The following TTLL11 variants were observed in gnomAD, a reference collection of about 807,000 sequenced individuals.
The protein encoded by TTLL11 is tubulin tyrosine ligase like 11.
Under a neutral mutation model 51.7 loss-of-function variants are expected in TTLL11, and 42 were observed. The observed-to-expected ratio is 0.81, with a 90% CI of 0.64 to 1.05. The LOEUF (loss-of-function observed/expected upper bound fraction) is 1.05, where lower values mean the gene tolerates loss of function less well. Among genes scored for constraint, TTLL11 ranks in the 50% least tolerant of loss-of-function variants. The pLI is 0.00. For synonymous variants in TTLL11, 381 were observed against 383.5 expected (o/e 0.99, Z 0.08); for missense variants, 799 against 940.4 (o/e 0.85, Z 1.97).
At chr9:121,994,816 C>T (rs1183449433) in intron 3 of TTLL11, among the ~76,000 whole-genome samples, 1 of 152,144 alleles carries the variant, frequency 6.6e-6, no homozygotes, top group Non-Finnish European at 1.5e-5. Context: ...AAAATTTACC[C>T]AAGTGGTTGG....
rs559362275 is a variant in TTLL11 at position 121,870,827 on chromosome 9, G to C, written c.1482-79C>G. ...TACTTGAGATTTACAGCCTCCTCGG[G>C]AGGCAGCATTACCAGCATTTTTTAT... On this transcript the variant is annotated intron_variant, in intron 6 of 8. Transcript: ENST00000321582. 6 of 1,421,180 alleles carry C rather than the reference G, an allele frequency of 4.2e-6. No homozygotes were observed. The African/African-American group carries it at 7.2e-5, about 17-fold the overall frequency. 88.0% of individuals were successfully genotyped at this position (1,421,180 alleles called of 1,614,324 possible). A position where few individuals can be genotyped will look rare whatever the true frequency, so the allele number is the denominator to read the frequency against.
intron 6 of TTLL11, among the ~76,000 whole-genome samples, chr9:121,952,395 G>A (rs1045168498): frequency 1.7e-4 from 25 of 147,672 alleles, no homozygotes; most frequent in Admixed American, 6.9e-4. Context: ...GCAGTGAGCC[G>A]AGATCACGCC....
chr9:122,007,002 A>C (rs1004192047), intron 3 of TTLL11, among the ~76,000 whole-genome samples: 10 of 149,424 alleles, frequency 6.7e-5, no homozygotes, highest in Admixed American at 3.3e-4. Flanking sequence ...AAAAAAAAAA[A>C]AAAAAAACTT....
intron 3 of TTLL11, among the ~76,000 whole-genome samples, chr9:122,001,928 C>T (rs1843480408): frequency 6.6e-6 from 1 of 152,202 alleles, no homozygotes; most frequent in Admixed American, 6.5e-5. Flanking sequence ...ATTACTTGTA[C>T]ATGCCTTTGA....
intron 4 of TTLL11, among the ~76,000 whole-genome samples, chr9:121,976,177 C>A (rs1842705315): frequency 1.3e-5 from 2 of 152,218 alleles, no homozygotes; most frequent in African/African-American, 4.8e-5. Flanking sequence ...TGTGACACCC[C>A]TGCACAGGTG....
At chr9:121,901,783 G>A (rs183989433) in intron 6 of TTLL11, among the ~76,000 whole-genome samples, 1 of 152,096 alleles carries the variant, frequency 6.6e-6, no homozygotes, top group African/African-American at 2.4e-5. Context: ...TGGCCCCAAG[G>A]TCTAGGCCAC....
intron 1 of TTLL11, among the ~76,000 whole-genome samples, chr9:122,043,465 C>CA (rs1288417719): frequency 6.6e-6 from 1 of 152,106 alleles, no homozygotes; most frequent in Admixed American, 6.5e-5. Context: ...TGGACCTTTA[C>CA]CTTATACCAT....
At chr9:122,044,565 A>C (rs1163827003) in intron 1 of TTLL11, among the ~76,000 whole-genome samples, 1 of 152,140 alleles carries the variant, frequency 6.6e-6, no homozygotes, top group Admixed American at 6.5e-5. Context: ...CTGGTGTGAG[A>C]TGGTATCGCA....
chr9:122,004,220 C>T (rs952276232), intron 3 of TTLL11, among the ~76,000 whole-genome samples: 1 of 152,164 alleles, frequency 6.6e-6, no homozygotes, highest in Non-Finnish European at 1.5e-5. Context: ...TGATTTTCCT[C>T]TGATAAATCA....
intron 1 of TTLL11, among the ~76,000 whole-genome samples, chr9:122,040,076 A>G (rs1360327004): frequency 2.0e-5 from 3 of 152,204 alleles, no homozygotes; most frequent in African/African-American, 7.2e-5. Flanking sequence ...CAGAGATGCC[A>G]GGCAGCCTCT....
Position 122,093,183 on chromosome 9 carries a change from G to A in TTLL11, c.-35C>T, listed in dbSNP as rs1420326704. 1.5e-5 allele frequency: 20 copies of A among 1,304,080 alleles called. No individual in the cohort carries two copies. Among genetic ancestry groups the A allele is most frequent in the Admixed American group, 8.3e-5 (3 of 36,304 alleles). The allele number at this position is 1,304,080 out of a possible 1,614,324, so 80.8% of individuals were successfully genotyped here. On this transcript the variant is annotated 5_prime_UTR_variant, in exon 1 of 9. Transcript: ENST00000321582. ...GGCCGGGGCCAGTGCCAGTGCCACC[G>A]CCGCCGCCGCCGCCGCTCCGCCGCC...
chr9:121,826,220 A>ACG (rs1243988066), intron 8 of TTLL11, among the ~76,000 whole-genome samples: 6 of 64,656 alleles, frequency 9.3e-5, no homozygotes, highest in Non-Finnish European at 1.3e-4. Flanking sequence ...ATATATATGC[A>ACG]CACATATATA....
intron 2 of TTLL11, among the ~76,000 whole-genome samples, chr9:122,038,958 C>A (rs1426751941): frequency 3.9e-5 from 6 of 152,084 alleles, no homozygotes; most frequent in Non-Finnish European, 7.4e-5. Context: ...TTTTGTTTCC[C>A]GCAAGAATGA....
chr9:121,822,367 C>T lies in TTLL11; in HGVS notation c.*220G>A, dbSNP rs926669968. On this transcript the variant is annotated 3_prime_UTR_variant, in exon 9 of 9. Coordinates refer to ENST00000321582, the MANE Select transcript of TTLL11 (RefSeq NM_001139442.2). The surrounding 1 kb of genome is among the most constrained non-coding windows in gnomAD (Gnocchi z 5.8). ...GTCATATGTCCGATGACTGATGACT[C>T]AGAAACAGGGTGTATCACCAGGAGG... is the stretch of plus-strand genomic sequence containing the variant. 4.8e-6 allele frequency: 2 copies of T among 419,900 alleles called. No individual in the cohort carries two copies. Among genetic ancestry groups the T allele is most frequent in the Admixed American group, 4.2e-5 (1 of 23,816 alleles). 26.0% of individuals were successfully genotyped at this position (419,900 alleles called of 1,614,324 possible). A position where few individuals can be genotyped will look rare whatever the true frequency, so the allele number is the denominator to read the frequency against.
intron 1 of TTLL11, among the ~76,000 whole-genome samples, chr9:122,084,681 G>A (rs971985910): frequency 1.3e-5 from 2 of 152,172 alleles, no homozygotes; most frequent in South Asian, 2.1e-4. Context: ...AAACCAACAT[G>A]TATTCTTACT....
intron 6 of TTLL11, among the ~76,000 whole-genome samples, chr9:121,925,401 C>T (rs1383551867): frequency 1.3e-5 from 2 of 152,218 alleles, no homozygotes; most frequent in African/African-American, 4.8e-5. Context: ...GGCCTCCATC[C>T]ATCTCGCCAG....
chr9:122,086,111 TTA>T (rs1846116138), intron 1 of TTLL11, among the ~76,000 whole-genome samples: 1 of 152,238 alleles, frequency 6.6e-6, no homozygotes, highest in African/African-American at 2.4e-5. Context: ...ACTGTATGTT[TTA>T]TAACACAGAA....
At chr9:121,964,124 C>A (rs1013311492) in intron 6 of TTLL11, among the ~76,000 whole-genome samples, 8 of 151,782 alleles carry the variant, frequency 5.3e-5, no homozygotes, top group African/African-American at 1.9e-4. Flanking sequence ...AAAAACAACT[C>A]CATAACAAAC....
At chr9:121,980,062 T>C (rs752485485) in intron 4 of TTLL11, among the ~76,000 whole-genome samples, 18 of 151,928 alleles carry the variant, frequency 1.2e-4, no homozygotes, top group Admixed American at 2.0e-4. Context: ...TTGTAGCTTA[T>C]GTTTTAGATG....
Sources: gnomAD v4.1 joint callset for allele counts (sites outside exome capture counted in the v4.1 genomes callset) on GRCh38, gnomAD v4.1.1 for gene constraint, Gnocchi (gnomAD v3.1) non-coding constraint, MANE v1.5 for transcripts, NCBI Gene and HGNC (gene_info 2026-07-23, HGNC 2026-07-21) for gene names.